UBXN6: variants seen among roughly 807,000 people sequenced by gnomAD.
UBXN6 encodes the protein UBX domain-containing protein 6.
In UBXN6, 44 loss-of-function variants were observed where a neutral mutation model predicts 51.4. The ratio of observed to expected loss-of-function variants is 0.86; its 90% confidence interval spans 0.67 to 1.10. UBXN6 has a LOEUF of 1.10. Among genes scored for constraint, UBXN6 ranks in the 50% least tolerant of loss-of-function variants. The pLI is 0.00. For synonymous variants in UBXN6, 316 were observed against 263.2 expected, an observed-to-expected ratio of 1.20 and a Z score of -1.94; for missense variants, 672 against 596.1, an observed-to-expected ratio of 1.13 and a Z score of -1.32.
In UBXN6 at chr19:4,445,123, C is replaced by T. The variant is rs1391937810; in HGVS notation, c.*375G>A. On this transcript the variant is annotated 3_prime_UTR_variant, in exon 11 of 11. Coordinates refer to ENST00000301281, the MANE Select transcript of UBXN6 (RefSeq NM_025241.3). ...CACATCCACAGAGCAGCCCTAGTGC[C>T]AGGTGCAGCCACTGCCACCCACGGC... The T allele has an allele frequency of 8.2e-6, 2 of 243,930 alleles. No individual in the cohort carries two copies. Among genetic ancestry groups the T allele is most frequent in the Non-Finnish European group, 1.6e-5 (2 of 123,118 alleles). The allele number at this position is 243,930 out of a possible 1,614,324, so 15.1% of individuals were successfully genotyped here.
chr19:4,457,493 C>A, intron 1 of UBXN6, 122 bp downstream of exon 1: 1 of 754,698 alleles, frequency 1.3e-6, no homozygotes, highest in Non-Finnish European at 1.8e-6. Context: ...CCTCCCCTGA[C>A]CCTCGCGTGC....
At chr19:4,453,602 G>C in intron 2 of UBXN6, 80 bp from the exon 3 acceptor site, 3 of 1,544,148 alleles carry the variant, frequency 1.9e-6, no homozygotes, top group Non-Finnish European at 2.6e-6. Flanking sequence ...CCTCATTCCC[G>C]GGGTGGGCCT....
Position 4,457,661 on chromosome 19 carries a change from T to TGATGTCGGCCTTGAACTC in UBXN6, c.19_36dup (p.Glu7_Ile12dup), listed in dbSNP as rs1374459659. On this transcript the variant is annotated inframe_insertion, in exon 1 of 11. Transcript: ENST00000301281. ...TGACCGGGTCCCGCGCTCTTGAACT[T>TGATGTCGGCCTTGAACTC]GATGTCGGCCTTGAACTCCTGAAAG... The TGATGTCGGCCTTGAACTC allele has an allele frequency of 6.9e-6, 11 of 1,599,804 alleles. No individual in the cohort carries two copies. The African/African-American group carries it at 1.5e-4, about 22-fold the overall frequency.
intron 1 of UBXN6, among the ~76,000 whole-genome samples, chr19:4,456,846 G>A (rs1188492416): frequency 1.3e-5 from 2 of 151,940 alleles, no homozygotes; most frequent in Admixed American, 6.6e-5. Context: ...GGCCCCTCCC[G>A]GGTAAGAGTC....
chr19:4,448,447 C>A (rs559142839), intron 4 of UBXN6, 32 bp from the exon 5 acceptor site: 1 of 1,567,972 alleles, frequency 6.4e-7, no homozygotes, highest in East Asian at 2.3e-5. Flanking sequence ...AAGCCACTCA[C>A]TGAGAGCCCG....
chr19:4,453,571 C>T, intron 2 of UBXN6, 49 bp from the exon 3 acceptor site: 1 of 1,596,290 alleles, frequency 6.3e-7, no homozygotes, highest in Non-Finnish European at 8.5e-7. Flanking sequence ...AGTGAGCACG[C>T]CGCTGTCCTG....
In UBXN6 at chr19:4,453,979, C is replaced by T; in HGVS notation, c.198G>A (p.Lys66=). ...AAAALARLEQ[K]QSRAWGPTSQ... ...ATGTGGGGCCCCAGGCCCGGGACTG[C>T]TTCTGCTCCAGCCGGGCTAGGGCGG... Residue 66 remains lysine (K), a synonymous_variant, in exon 2 of 11, where the codon AAG becomes AAA. Coordinates refer to ENST00000301281, the MANE Select transcript of UBXN6 (RefSeq NM_025241.3). 1 of 1,611,236 alleles carries T rather than the reference C, an allele frequency of 6.2e-7. No individual in the cohort carries two copies. The highest frequency in any genetic ancestry group is 8.5e-7 in the Non-Finnish European group (1 of 1,179,750).
intron 3 of UBXN6, among the ~76,000 whole-genome samples, 171 bp downstream of exon 3, chr19:4,453,287 C>T (rs1339698011): frequency 6.6e-6 from 1 of 152,200 alleles, no homozygotes; most frequent in African/African-American, 2.4e-5. Flanking sequence ...GCTGCCGAGC[C>T]CCGAAGGTCC....
chr19:4,448,118 GCACAC>G, intron 5 of UBXN6, 195 bp downstream of exon 5: 1 of 599,554 alleles, frequency 1.7e-6, no homozygotes, highest in Non-Finnish European at 3.0e-6. Flanking sequence ...CCTTCATTTT[GCACAC>G]GGGTAAACTG....
intron 4 of UBXN6, chr19:4,449,545 A>G (rs1255384113): frequency 6.6e-6 from 1 of 152,414 alleles, no homozygotes; most frequent in Non-Finnish European, 1.5e-5. Context: ...CATGTCCCCA[A>G]GACAACAGCT....
intron 3 of UBXN6, among the ~76,000 whole-genome samples, chr19:4,453,183 CTG>C (rs989832681): frequency 3.3e-5 from 5 of 152,150 alleles, no homozygotes; most frequent in African/African-American, 4.8e-5. Flanking sequence ...ATAGTGGAAA[CTG>C]TAACTGCATC....
chr19:4,446,763 C>T (rs745992034), intron 7 of UBXN6, 44 bp from the exon 8 acceptor site: 3 of 1,611,844 alleles, frequency 1.9e-6, no homozygotes, highest in South Asian at 2.2e-5. Flanking sequence ...AATGGAGAGA[C>T]CCCCAAGCCG....
chr19:4,453,570 G>T, intron 2 of UBXN6, 48 bp from the exon 3 acceptor site: 1 of 1,596,620 alleles, frequency 6.3e-7, no homozygotes, highest in Non-Finnish European at 8.5e-7. Context: ...TAGTGAGCAC[G>T]CCGCTGTCCT....
Position 4,445,070 on chromosome 19 carries a change from G to A in UBXN6, c.*428C>T. The A allele has an allele frequency of 5.4e-6, 1 of 186,302 alleles. No homozygotes were observed. Among genetic ancestry groups the A allele is most frequent in the Non-Finnish European group, 1.1e-5 (1 of 88,880 alleles). 11.5% of individuals were successfully genotyped at this position (186,302 alleles called of 1,614,324 possible). On this transcript the variant is annotated 3_prime_UTR_variant, in exon 11 of 11. Transcript: ENST00000301281. ...TAACTGCAGGTCTATGTGCAGGAAG[G>A]CCAGCATCCCCTCCTGCCGTTGTCA... is the stretch of plus-strand genomic sequence containing the variant.
At chr19:4,447,409 G>GC in intron 6 of UBXN6, 141 bp downstream of exon 6, 1 of 860,564 alleles carries the variant, frequency 1.2e-6, no homozygotes, top group East Asian at 2.5e-5. Flanking sequence ...CCTTCTACTG[G>GC]CCGAACCCTT....
chr19:4,445,544 G>C lies in UBXN6; in HGVS notation c.1280C>G (p.Ser427Cys), dbSNP rs149133767. The C allele has an allele frequency of 2.6e-4, 423 of 1,613,948 alleles. 3 individuals carry two copies. The African/African-American group carries it at 4.5e-3, about 17-fold the overall frequency. The part of the protein sequence containing the change: ...DIKAAGAEPD[S>C]ILKPELLSAI... ...TGACAGGAGCTCGGGTTTCAGGATG[G>C]AGTCCGGCTCGGCCCCCGCGGCCTT... Residue 427 changes from serine to cysteine, a missense_variant, in exon 11 of 11, where the codon TCC (serine) becomes TGC (cysteine). By Grantham distance (112) the Ser-to-Cys change is moderately radical. Coordinates refer to ENST00000301281, the MANE Select transcript of UBXN6 (RefSeq NM_025241.3).
At position 4,452,455 on chromosome 19, in the gene UBXN6, G is replaced by A. The variant is rs1369836886; in HGVS notation, c.350C>T (p.Ala117Val). 6.2e-7 allele frequency: 1 copy of A among 1,612,034 alleles called. No individual in the cohort carries two copies. The highest frequency in any genetic ancestry group is 8.5e-7 in the Non-Finnish European group (1 of 1,179,882). The change falls in exon 4 of 11, where the codon GCT becomes GTT. Residue 117 changes from alanine to valine, a missense_variant. Ala to Val is a moderately conservative substitution (Grantham distance 64). Coordinates refer to ENST00000301281, the MANE Select transcript of UBXN6 (RefSeq NM_025241.3). ...EPREEGSAHL[A>V]VPGVYFTCPL... is the part of the protein sequence containing the mutation. ...ACAGGTGAAGTACACGCCAGGCACAGCCAGGTGGGCAGAGCCTTCCTCTCT... is the reference window on the plus strand; with the variant it reads ...ACAGGTGAAGTACACGCCAGGCACAACCAGGTGGGCAGAGCCTTCCTCTCT...
intron 10 of UBXN6, 115 bp downstream of exon 10, chr19:4,445,922 ACCCAGGGACCTG>A: frequency 7.0e-7 from 1 of 1,435,970 alleles, no homozygotes; most frequent in Non-Finnish European, 9.3e-7. Context: ...CAGGATTCAA[ACCCAGGGACCTG>A]CCCAGGCCCC....
At chr19:4,450,901 A>C (rs941580485) in intron 4 of UBXN6, 7 of 152,090 alleles carry the variant, frequency 4.6e-5, no homozygotes, top group African/African-American at 1.7e-4. Context: ...AATTAACTCT[A>C]TCCTGAGATG....
Sources: allele counts gnomAD v4.1 joint callset (sites outside exome capture counted in the v4.1 genomes callset), GRCh38; gene constraint gnomAD v4.1.1; transcripts MANE v1.5; gene names NCBI Gene and HGNC (gene_info 2026-07-23, HGNC 2026-07-21).